The following MACROD2 variants were observed in gnomAD, a reference collection of about 807,000 sequenced individuals.
The protein encoded by MACROD2 is mono-ADP ribosylhydrolase 2, also known as ADP-ribose glycohydrolase MACROD2.
A neutral mutation model predicts 70.4 loss-of-function variants in MACROD2; 36 were observed. That is an observed-to-expected ratio of 0.51 (90% CI 0.39 to 0.68). The LOEUF (loss-of-function observed/expected upper bound fraction) is 0.68. Ranked by LOEUF, MACROD2 falls within the 30% of genes least tolerant of loss-of-function variation. The pLI is 0.00. For missense variants in MACROD2, 496 were observed against 538.4 expected, an observed-to-expected ratio of 0.92 and a Z score of 0.78; for synonymous variants, 172 against 178.8, an observed-to-expected ratio of 0.96 and a Z score of 0.30.
chr20:15,830,792 A>C (rs78626416), intron 8 of MACROD2, among the ~76,000 whole-genome samples: 5,102 of 152,332 alleles, frequency 0.033, 151 homozygotes, highest in East Asian at 0.13. Flanking sequence ...AAATGAGATA[A>C]TATACATCAA....
At chr20:14,303,474 A>G (rs1023567583) in intron 3 of MACROD2, among the ~76,000 whole-genome samples, 10 of 152,208 alleles carry the variant, frequency 6.6e-5, no homozygotes, top group African/African-American at 2.4e-4. Flanking sequence ...CTCAGGGTAT[A>G]TGACCTCACA....
chr20:15,074,013 T>C (rs1168098743), intron 5 of MACROD2, among the ~76,000 whole-genome samples: 1 of 152,212 alleles, frequency 6.6e-6, no homozygotes, highest in East Asian at 1.9e-4. Flanking sequence ...GTCTTTATTT[T>C]ACTATGAAAA....
intron 3 of MACROD2, among the ~76,000 whole-genome samples, chr20:14,134,561 C>T (rs957791200): frequency 1.3e-5 from 2 of 152,134 alleles, no homozygotes; most frequent in African/African-American, 2.4e-5. Context: ...AATCCCAGCA[C>T]TTTGGGAGGC....
intron 8 of MACROD2, among the ~76,000 whole-genome samples, chr20:15,628,318 A>G (rs1317244158): frequency 6.6e-6 from 1 of 152,260 alleles, no homozygotes; most frequent in Non-Finnish European, 1.5e-5. Context: ...TCATATAAGC[A>G]AACAGATTTA....
intron 8 of MACROD2, among the ~76,000 whole-genome samples, chr20:15,557,770 A>G (rs1262590997): frequency 6.6e-6 from 1 of 152,190 alleles, no homozygotes; most frequent in East Asian, 1.9e-4. Context: ...AATTTGGTGC[A>G]GCTGTTAGAA....
intron 7 of MACROD2, among the ~76,000 whole-genome samples, chr20:15,455,823 T>G (rs1231049259): frequency 6.6e-6 from 1 of 152,180 alleles, no homozygotes; most frequent in African/African-American, 2.4e-5. Flanking sequence ...AGATGCTGAC[T>G]GACCTCTCAT....
intron 15 of MACROD2, among the ~76,000 whole-genome samples, chr20:16,007,050 C>T (rs139279498): frequency 5.9e-5 from 9 of 152,188 alleles, no homozygotes; most frequent in South Asian, 4.1e-4. Context: ...TGTTCTGAGC[C>T]GTGGTATGAC....
intron 3 of MACROD2, among the ~76,000 whole-genome samples, chr20:14,159,522 T>C (rs1378562023): frequency 3.3e-5 from 5 of 152,206 alleles, no homozygotes; most frequent in Non-Finnish European, 7.3e-5. Context: ...CTTTTTCAGC[T>C]AGTTTGATAT....
chr20:14,043,474 T>A (rs1341674261), intron 2 of MACROD2, among the ~76,000 whole-genome samples: 4 of 152,218 alleles, frequency 2.6e-5, no homozygotes, highest in Non-Finnish European at 5.9e-5. Context: ...TTCAGCTATC[T>A]GGAAGCTCTC....
chr20:15,617,778 A>T (rs1204019216), intron 8 of MACROD2, among the ~76,000 whole-genome samples: 1 of 152,178 alleles, frequency 6.6e-6, no homozygotes, highest in African/African-American at 2.4e-5. Context: ...CAGGCTGTGT[A>T]GTGCAACCAT....
In MACROD2 at chr20:14,213,324, G is replaced by A. The variant is rs36176136; in HGVS notation, c.271+127596G>A. 3.6e-3 allele frequency among the ~76,000 whole-genome samples: 444 copies of A among 123,710 alleles called. 1 individual carries two copies. The highest frequency in any genetic ancestry group is 5.5e-3 in the Non-Finnish European group (351 of 63,344). The allele number at this position is 123,710 out of a possible 152,430, so 81.2% of individuals were successfully genotyped here. ...ATGCCATAATACTATAGAATTGCTA[G>A]AGATGGGCCACATAGTTGATTTTGA... On this transcript the variant is annotated intron_variant, in intron 3 of 17. Transcript: ENST00000684519.
At chr20:15,902,475 T>C (rs1468456655) in intron 10 of MACROD2, among the ~76,000 whole-genome samples, 1 of 152,134 alleles carries the variant, frequency 6.6e-6, no homozygotes, top group Non-Finnish European at 1.5e-5. Flanking sequence ...AAATTTATCC[T>C]AAAGCTTCAA....
At chr20:14,316,569 A>G (rs1169655793) in intron 3 of MACROD2, among the ~76,000 whole-genome samples, 2 of 151,960 alleles carry the variant, frequency 1.3e-5, no homozygotes, top group Non-Finnish European at 2.9e-5. Flanking sequence ...TTTGTGATTT[A>G]TTTTTTATTT....
intron 8 of MACROD2, among the ~76,000 whole-genome samples, chr20:15,700,406 G>A (rs1249449905): frequency 1.3e-5 from 2 of 152,178 alleles, no homozygotes. Flanking sequence ...TTGGGGCGTG[G>A]AATCCCTGCT....
At chr20:14,391,661 A>G (rs1242518063) in intron 3 of MACROD2, among the ~76,000 whole-genome samples, 2 of 151,500 alleles carry the variant, frequency 1.3e-5, no homozygotes, top group South Asian at 2.1e-4. Flanking sequence ...AGATCTGTGT[A>G]TATTGTAGCA....
intron 5 of MACROD2, among the ~76,000 whole-genome samples, chr20:15,194,965 G>GT (rs2076595772): frequency 1.3e-5 from 2 of 152,034 alleles, no homozygotes; most frequent in Non-Finnish European, 2.9e-5. Flanking sequence ...TTAAAGAATC[G>GT]TTTTCTAAGC....
intron 4 of MACROD2, among the ~76,000 whole-genome samples, chr20:14,539,116 A>G (rs1324322615): frequency 6.6e-6 from 1 of 152,234 alleles, no homozygotes; most frequent in African/African-American, 2.4e-5. Flanking sequence ...AAATTTGGCA[A>G]CAGTAGAAAT....
chr20:15,558,270 C>T (rs968519837), intron 8 of MACROD2, among the ~76,000 whole-genome samples: 5 of 152,224 alleles, frequency 3.3e-5, no homozygotes, highest in Non-Finnish European at 7.3e-5. Context: ...CTGCTGACTT[C>T]TTGCCTACTG....
rs187685806 is a variant in MACROD2, at chr20:14,465,385, T to G, written c.272-28094T>G. Among the ~76,000 whole-genome samples the G allele has an allele frequency of 8.4e-3, 1,276 of 152,240 alleles. 29 individuals are homozygous for G. The highest frequency in any genetic ancestry group is 0.029 in the African/African-American group (1,199 of 41,498). On this transcript the variant is annotated intron_variant, in intron 3 of 17. Coordinates refer to ENST00000684519, the MANE Select transcript of MACROD2 (RefSeq NM_001351661.2). ...CTGCCTTTTTTTGTTTTCCATTGGC[T>G]TGGTAGATCTTCCTCCATCCCTTTA... is the stretch of plus-strand genomic sequence containing the variant.
Sources: gnomAD v4.1 joint callset for allele counts (sites outside exome capture counted in the v4.1 genomes callset) on GRCh38, gnomAD v4.1.1 for gene constraint, MANE v1.5 for transcripts, NCBI Gene and HGNC (gene_info 2026-07-23, HGNC 2026-07-21) for gene names.